SMCHD1: variants seen among roughly 807,000 people sequenced by gnomAD.
The protein encoded by SMCHD1 is structural maintenance of chromosomes flexible hinge domain containing 1, also known as structural maintenance of chromosomes flexible hinge domain-containing protein 1.
SMCHD1 carries 78 observed loss-of-function variants against 254.7 expected under a neutral mutation model. The ratio of observed to expected loss-of-function variants is 0.31; its 90% CI spans 0.26 to 0.37. SMCHD1 has a LOEUF of 0.37. Ranked by LOEUF, SMCHD1 falls within the 10% of genes least tolerant of loss-of-function variation. The pLI, the probability that SMCHD1 is intolerant of heterozygous loss-of-function variation, is 1.00. For missense variants in SMCHD1, 1,840 were observed against 2,408.1 expected, an observed-to-expected ratio of 0.76 and a Z score of 4.94; for synonymous variants, 766 against 794.9, an observed-to-expected ratio of 0.96 and a Z score of 0.61.
At chr18:2,756,349 T>G (rs1276378299) in intron 34 of SMCHD1, among the ~76,000 whole-genome samples, 2 of 152,228 alleles carry the variant, frequency 1.3e-5, no homozygotes, top group South Asian at 2.1e-4. Context: ...CTTAGTTTGC[T>G]GTCTACATCA....
chr18:2,729,700 A>G (rs1199240167), intron 24 of SMCHD1, among the ~76,000 whole-genome samples: 1 of 144,132 alleles, frequency 6.9e-6, no homozygotes, highest in African/African-American at 2.5e-5. Context: ...ACATAATTTT[A>G]TTCTTTCGCT....
At chr18:2,724,105 G>A (rs910855884) in intron 20 of SMCHD1, among the ~76,000 whole-genome samples, 3 of 148,834 alleles carry the variant, frequency 2.0e-5, no homozygotes, top group Admixed American at 1.4e-4. Context: ...TATGTTTAAT[G>A]TGCCATCTTT....
Position 2,772,267 on chromosome 18 carries a change from A to C in SMCHD1, c.5070A>C (p.Ala1690=). 1 of 1,597,902 alleles carries C rather than the reference A, an allele frequency of 6.3e-7. No individual in the cohort carries two copies. The highest frequency in any genetic ancestry group is 1.7e-4 in the Middle Eastern group (1 of 5,988). Residue 1690 remains alanine (A), a synonymous_variant, in exon 41 of 48, where the codon GCA becomes GCC. Coordinates refer to ENST00000320876, the MANE Select transcript of SMCHD1 (RefSeq NM_015295.3). ...PTTQQVPHIE[A]LLKRKLSEQE... ...AATTATAGGTGCCACACATTGAAGCACTTCTGAAAAGAAAGCTATCAGAAC... is the reference window on the plus strand; with the variant it reads ...AATTATAGGTGCCACACATTGAAGCCCTTCTGAAAAGAAAGCTATCAGAAC...
chr18:2,722,746 G>T, intron 20 of SMCHD1, 83 bp downstream of exon 20: 1 of 1,237,642 alleles, frequency 8.1e-7, no homozygotes, highest in Non-Finnish European at 1.1e-6. Flanking sequence ...TTTTTTGTGT[G>T]TAAGGTGTTC....
intron 5 of SMCHD1, among the ~76,000 whole-genome samples, chr18:2,682,316 T>TC (rs200520056): frequency 0.032 from 4,541 of 142,984 alleles, 232 homozygotes; most frequent in African/African-American, 0.11. Context: ...TTCTTCTTCT[T>TC]TTTTTTTTTT....
intron 1 of SMCHD1, among the ~76,000 whole-genome samples, chr18:2,661,834 C>T (rs960749937): frequency 9.9e-5 from 15 of 152,032 alleles, no homozygotes; most frequent in Non-Finnish European, 5.9e-5. Flanking sequence ...ATGCAGTTAT[C>T]GTAGAAGAGT....
Position 2,724,961 on chromosome 18 carries a change from C to G in SMCHD1, c.2666C>G (p.Thr889Arg), listed in dbSNP as rs1257434383. ...CCAAATTGTGTAATTCGAGGTGTTACAGCCAAGGGCCCTGTAAACTCTTGT... is the reference window on the plus strand; with the variant it reads ...CCAAATTGTGTAATTCGAGGTGTTAGAGCCAAGGGCCCTGTAAACTCTTGT... ...KGPNCVIRGV[T>R]AKGPVNSCQG... The change falls in exon 21 of 48, where the codon ACA becomes AGA. Residue 889 changes from threonine to arginine, a missense_variant. Around this residue, in one of 9 missense-constraint regions of SMCHD1, gnomAD observed 881 missense variants for 1,009.5 expected, o/e 0.87. Coordinates refer to ENST00000320876, the MANE Select transcript of SMCHD1 (RefSeq NM_015295.3). 1.3e-6 allele frequency: 2 copies of G among 1,589,738 alleles called. No homozygotes were observed. Among genetic ancestry groups the G allele is most frequent in the South Asian group, 2.3e-5 (2 of 87,318 alleles).
chr18:2,677,389 TAC>T (rs1158915418), intron 5 of SMCHD1, among the ~76,000 whole-genome samples: 1 of 152,240 alleles, frequency 6.6e-6, no homozygotes, highest in Non-Finnish European at 1.5e-5. Flanking sequence ...TCACATATTA[TAC>T]AGTTAATTGC....
At position 2,772,328 on chromosome 18, in the gene SMCHD1, A is replaced by G. The variant is rs1326290539; in HGVS notation, c.5131A>G (p.Thr1711Ala). The change falls in exon 41 of 48, where the codon ACT becomes GCT. Residue 1711 changes from threonine to alanine, a missense_variant. Coordinates refer to ENST00000320876, the MANE Select transcript of SMCHD1 (RefSeq NM_015295.3). ...GAAGAAAAAACCTAGAAGATCGTGT[A>G]CTCTTCCAAACTATACTAAAGGCAG... ...ELKKKPRRSCTLPNYTKGSGD... is the reference protein window; with the variant it reads ...ELKKKPRRSCALPNYTKGSGD... The G allele has an allele frequency of 3.1e-6, 5 of 1,603,872 alleles. No individual in the cohort carries two copies. In the Admixed American group the frequency reaches 8.6e-5, roughly 28 times the overall value.
chr18:2,670,928 A>C (rs2143827270), intron 3 of SMCHD1, among the ~76,000 whole-genome samples: 1 of 147,544 alleles, frequency 6.8e-6, no homozygotes, highest in South Asian at 2.1e-4. Context: ...AAATTGAGTG[A>C]ATCTTTTAAT....
chr18:2,780,925 T>A (rs1382776688), intron 44 of SMCHD1, among the ~76,000 whole-genome samples: 1 of 152,240 alleles, frequency 6.6e-6, no homozygotes, highest in Non-Finnish European at 1.5e-5. Context: ...GCTAAAATGC[T>A]ATTTCAGATA....
intron 47 of SMCHD1, chr18:2,800,510 A>G (rs1188449601): frequency 6.6e-6 from 1 of 152,020 alleles, no homozygotes; most frequent in Non-Finnish European, 1.5e-5. Flanking sequence ...TTTTTACTTT[A>G]TTTATTTTGT....
chr18:2,664,286 TGAATG>T (rs2073375723), intron 1 of SMCHD1, among the ~76,000 whole-genome samples: 2 of 152,220 alleles, frequency 1.3e-5, no homozygotes, highest in Admixed American at 6.5e-5. Context: ...TTGAGTTCTC[TGAATG>T]TTTAAAAGTA....
intron 10 of SMCHD1, among the ~76,000 whole-genome samples, chr18:2,698,706 T>G (rs1231642066): frequency 6.6e-6 from 1 of 151,716 alleles, no homozygotes; most frequent in African/African-American, 2.4e-5. Flanking sequence ...AGATAGGGAT[T>G]TAACAATTAT....
chr18:2,705,150 A>C (rs2074485449), intron 13 of SMCHD1, among the ~76,000 whole-genome samples: 1 of 152,202 alleles, frequency 6.6e-6, no homozygotes, highest in African/African-American at 2.4e-5. Flanking sequence ...GTATGTGTGA[A>C]GAGAAATAGT....
chr18:2,681,150 C>T (rs190759732), intron 5 of SMCHD1, among the ~76,000 whole-genome samples: 3 of 151,978 alleles, frequency 2.0e-5, no homozygotes, highest in Admixed American at 1.3e-4. Flanking sequence ...TGGTGGCTCA[C>T]GCGTGTAATC....
intron 13 of SMCHD1, among the ~76,000 whole-genome samples, chr18:2,704,800 A>G (rs947014679): frequency 4.6e-5 from 7 of 152,084 alleles, no homozygotes; most frequent in Admixed American, 3.3e-4. Context: ...ATTTAAAGCT[A>G]TAGAATTGGA....
chr18:2,698,077 A>G, intron 10 of SMCHD1, 36 bp downstream of exon 10: 1 of 1,506,736 alleles, frequency 6.6e-7, no homozygotes, highest in Non-Finnish European at 9.2e-7. Flanking sequence ...TAAAATATGA[A>G]GTTGTAATTT....
At chr18:2,724,251 T>G (rs1206172319) in intron 20 of SMCHD1, among the ~76,000 whole-genome samples, 1 of 151,566 alleles carries the variant, frequency 6.6e-6, no homozygotes, top group Non-Finnish European at 1.5e-5. Context: ...TCATGGTATA[T>G]TTTTTACTTT....
Sources: allele counts gnomAD v4.1 joint callset (sites outside exome capture counted in the v4.1 genomes callset), GRCh38; gene constraint gnomAD v4.1.1; regional missense constraint gnomAD v4.1.1; transcripts MANE v1.5; gene names NCBI Gene and HGNC (gene_info 2026-07-23, HGNC 2026-07-21).